Variants in RGS5 observed in about 807,000 individuals in gnomAD.
RGS5 encodes the protein regulator of G protein signaling 5, also known as regulator of G-protein signalling 5.
A neutral mutation model predicts 18.9 loss-of-function variants in RGS5; 20 were observed. That is an observed-to-expected ratio of 1.06 (90% confidence interval 0.74 to 1.54). RGS5 has a LOEUF of 1.54. Ranked by LOEUF, RGS5 falls within the 40% of genes most tolerant of loss-of-function variation. The probability of loss-of-function intolerance (pLI) is 0.00; values close to 1 mark genes in which losing one functional copy is unlikely to be tolerated. For synonymous variants in RGS5, 57 were observed against 76.2 expected, an observed-to-expected ratio of 0.75 and a Z score of 1.31; for missense variants, 201 against 211.8, an observed-to-expected ratio of 0.95 and a Z score of 0.32.
intron 1 of RGS5, among the ~76,000 whole-genome samples, chr1:163,189,849 C>T (rs1254633095): frequency 6.6e-6 from 1 of 152,164 alleles, no homozygotes; most frequent in Non-Finnish European, 1.5e-5. Flanking sequence ...GAGTCTCATG[C>T]ACCGTGGTAC....
chr1:163,280,754 C>G (rs994669138), intron 2 of RGS5, among the ~76,000 whole-genome samples: 4 of 151,538 alleles, frequency 2.6e-5, no homozygotes, highest in African/African-American at 9.7e-5. Context: ...GCATTCTTCA[C>G]AAAAATAAAA....
intron 2 of RGS5, among the ~76,000 whole-genome samples, chr1:163,223,033 C>T (rs1047093305): frequency 4.1e-5 from 6 of 146,730 alleles, no homozygotes; most frequent in African/African-American, 1.4e-4. Context: ...TTAATAGAGA[C>T]GGGGTTTTAC....
intron 2 of RGS5, among the ~76,000 whole-genome samples, chr1:163,296,173 T>C (rs563561888): frequency 4.3e-4 from 66 of 152,330 alleles, no homozygotes; most frequent in African/African-American, 1.5e-3. Flanking sequence ...AGTAGACTTA[T>C]TTTGTAAACT....
chr1:163,179,969 T>C (rs113907589), intron 1 of RGS5, among the ~76,000 whole-genome samples: 446 of 152,308 alleles, frequency 2.9e-3, no homozygotes, highest in Middle Eastern at 6.8e-3. Flanking sequence ...GACTTTCTTC[T>C]TCATTGCCAA....
intron 1 of RGS5, among the ~76,000 whole-genome samples, chr1:163,317,007 T>C (rs563271213): frequency 2.8e-4 from 43 of 152,270 alleles, no homozygotes; most frequent in Admixed American, 7.8e-4. Flanking sequence ...AACAGATCAT[T>C]TCAATATAAC....
chr1:163,186,092 C>T (rs1159474215), intron 1 of RGS5, among the ~76,000 whole-genome samples: 8 of 135,564 alleles, frequency 5.9e-5, no homozygotes, highest in African/African-American at 1.9e-4. Context: ...TTTTTTTTGA[C>T]ATAGAGTCTT....
intron 1 of RGS5, among the ~76,000 whole-genome samples, chr1:163,196,225 G>A (rs1193177823): frequency 6.6e-6 from 1 of 152,184 alleles, no homozygotes; most frequent in Non-Finnish European, 1.5e-5. Flanking sequence ...GAAAGAGATA[G>A]GAAACTGTTA....
chr1:163,294,016 C>A (rs1649359922), intron 2 of RGS5, among the ~76,000 whole-genome samples: 1 of 152,194 alleles, frequency 6.6e-6, no homozygotes, highest in African/African-American at 2.4e-5. Flanking sequence ...CAGAGTATAG[C>A]CCCCACAGCT....
chr1:163,151,179 A>C (rs563123243), intron 4 of RGS5, among the ~76,000 whole-genome samples: 26 of 152,282 alleles, frequency 1.7e-4, no homozygotes, highest in Non-Finnish European at 3.2e-4. Flanking sequence ...GAAATCAACA[A>C]AAATCTGGGC....
intron 2 of RGS5, among the ~76,000 whole-genome samples, chr1:163,294,513 T>C (rs1588280): frequency 0.42 from 63,237 of 152,152 alleles, 13,642 homozygotes; most frequent in South Asian, 0.5. Flanking sequence ...GCCTGGCCCA[T>C]GAAACCATTT....
At chr1:163,224,977 T>G (rs1647302285) in intron 2 of RGS5, among the ~76,000 whole-genome samples, 1 of 152,204 alleles carries the variant, frequency 6.6e-6, no homozygotes, top group African/African-American at 2.4e-5. Flanking sequence ...ATTCTATAGG[T>G]TGTCTCGTCA....
chr1:163,300,401 T>G (rs574960848), intron 2 of RGS5: 3 of 152,380 alleles, frequency 2.0e-5, no homozygotes, highest in South Asian at 2.1e-4. Flanking sequence ...TTCTATCCTC[T>G]GTGATTTAGC....
intron 2 of RGS5, among the ~76,000 whole-genome samples, chr1:163,283,890 C>T (rs1354290185): frequency 6.6e-6 from 1 of 152,150 alleles, no homozygotes; most frequent in Non-Finnish European, 1.5e-5. Flanking sequence ...TTTTTCCAGG[C>T]AAGCTTTCAG....
In RGS5 at chr1:163,146,745, G is replaced by T. The variant is rs990124993; in HGVS notation, c.*597C>A. On this transcript the variant is annotated 3_prime_UTR_variant, in exon 5 of 5. Coordinates refer to ENST00000313961, the MANE Select transcript of RGS5 (RefSeq NM_003617.4). ...GTATAAACATAATATATTCATGGTT[G>T]TATCTCTTATTTATAATACCCAACT... 2 of 152,126 alleles carry T rather than the reference G, an allele frequency of 1.3e-5. No homozygotes were observed. Among genetic ancestry groups the T allele is most frequent in the African/African-American group, 4.8e-5 (2 of 41,418 alleles). 9.4% of individuals were successfully genotyped at this position (152,126 alleles called of 1,614,324 possible). A position where few individuals can be genotyped will look rare whatever the true frequency, so the allele number is the denominator to read the frequency against.
intron 1 of RGS5, among the ~76,000 whole-genome samples, chr1:163,172,747 G>A (rs10917691): frequency 0.36 from 54,858 of 152,048 alleles, 11,916 homozygotes; most frequent in Admixed American, 0.47. Context: ...GGAGTTCATT[G>A]TTCAGGGAAT....
At chr1:163,261,805 A>ATTT (rs1187512927) in intron 2 of RGS5, among the ~76,000 whole-genome samples, 4 of 152,210 alleles carry the variant, frequency 2.6e-5, no homozygotes, top group African/African-American at 9.6e-5. Flanking sequence ...AAATGGGAAC[A>ATTT]CATGGTGGAA....
chr1:163,162,003 G>A, intron 2 of RGS5, 27 bp from the exon 3 acceptor site: 1 of 1,571,472 alleles, frequency 6.4e-7, no homozygotes, highest in Non-Finnish European at 8.8e-7. Context: ...GAGAGAAAAG[G>A]GGTATGGCGT....
At chr1:163,285,927 A>G (rs1369583393) in intron 2 of RGS5, among the ~76,000 whole-genome samples, 2 of 151,914 alleles carry the variant, frequency 1.3e-5, no homozygotes, top group Admixed American at 6.6e-5. Flanking sequence ...TCTTTTCTTA[A>G]TAATATTACC....
intron 2 of RGS5, among the ~76,000 whole-genome samples, chr1:163,252,936 A>G (rs1648152691): frequency 6.6e-6 from 1 of 152,174 alleles, no homozygotes; most frequent in East Asian, 1.9e-4. Flanking sequence ...AATCTGTAGC[A>G]CATTTAACAT....
Sources: allele counts gnomAD v4.1 joint callset (sites outside exome capture counted in the v4.1 genomes callset), GRCh38; gene constraint gnomAD v4.1.1; transcripts MANE v1.5; gene names NCBI Gene and HGNC (gene_info 2026-07-23, HGNC 2026-07-21).